The following SMAP2 variants were observed in gnomAD, a reference collection of about 807,000 sequenced individuals.
SMAP2 encodes the protein small ArfGAP2, also known as stromal membrane-associated protein 2.
In SMAP2, 25 loss-of-function variants were observed where a neutral mutation model predicts 56.4. The observed-to-expected ratio is 0.44, with a 90% CI of 0.32 to 0.62. The LOEUF (loss-of-function observed/expected upper bound fraction) is 0.62. Among genes scored for constraint, SMAP2 ranks in the 20% least tolerant of loss-of-function variants. SMAP2 has a pLI of 0.04. For missense variants in SMAP2, 388 were observed against 545.6 expected (o/e 0.71, Z 2.88); for synonymous variants, 157 against 181.7 (o/e 0.86, Z 1.09).
intron 7 of SMAP2, among the ~76,000 whole-genome samples, chr1:40,415,955 G>GTTTT (rs1644982560): frequency 6.6e-6 from 1 of 152,082 alleles, no homozygotes; most frequent in Non-Finnish European, 1.5e-5. Flanking sequence ...TTGTTTGTTT[G>GTTTT]TTCCTACCAA....
intron 1 of SMAP2, among the ~76,000 whole-genome samples, chr1:40,355,629 G>C (rs968789558): frequency 3.3e-5 from 5 of 151,976 alleles, no homozygotes; most frequent in African/African-American, 9.7e-5. Context: ...TCTAATACTA[G>C]ATTTTTTTTT....
chr1:40,359,873 G>A (rs1262957311), intron 1 of SMAP2, among the ~76,000 whole-genome samples: 1 of 151,984 alleles, frequency 6.6e-6, no homozygotes, highest in Non-Finnish European at 1.5e-5. Context: ...TCATTGGACT[G>A]TCTATGTCTT....
intron 1 of SMAP2, among the ~76,000 whole-genome samples, chr1:40,382,567 C>T (rs116684986): frequency 3.6e-4 from 55 of 152,288 alleles, no homozygotes; most frequent in African/African-American, 1.2e-3. Flanking sequence ...TAGATACTAG[C>T]TTTGAAGAAG....
chr1:40,417,707 C>T (rs1645003635), intron 9 of SMAP2, among the ~76,000 whole-genome samples: 1 of 152,078 alleles, frequency 6.6e-6, no homozygotes, highest in Non-Finnish European at 1.5e-5. Flanking sequence ...GAAAGCATTG[C>T]TTCTCGGGGA....
chr1:40,401,477 A>G (rs1354004555), intron 1 of SMAP2, among the ~76,000 whole-genome samples: 3 of 152,298 alleles, frequency 2.0e-5, no homozygotes, highest in East Asian at 3.9e-4. Flanking sequence ...CCATCAATTT[A>G]TCAATGTTTT....
In SMAP2 at chr1:40,416,808, A is replaced by G; in HGVS notation, c.876A>G (p.Ala292=). ...QAMFMAPAQM[A]YPTAYPSFPG... ...TGTTCATGGCTCCCGCTCAGATGGC[A>G]TATCCCACAGCCTACCCCAGCTTCC... is the stretch of plus-strand genomic sequence containing the variant. The change falls in exon 9 of 10, where the codon GCA becomes GCG. Residue 292 remains alanine, a synonymous_variant. Transcript: ENST00000372718. 1 of 1,605,698 alleles carries G rather than the reference A, an allele frequency of 6.2e-7. No individual in the cohort carries two copies.
intron 1 of SMAP2, among the ~76,000 whole-genome samples, chr1:40,398,293 A>G (rs1372356755): frequency 6.6e-6 from 1 of 150,708 alleles, no homozygotes; most frequent in Non-Finnish European, 1.5e-5. Context: ...CCATGGTGCA[A>G]TCATAGCTCA....
At position 40,386,977 on chromosome 1, in the gene SMAP2, A is replaced by C. The variant is rs552409314; in HGVS notation, c.103+12754A>C. ...AAGCAGTTCTTCTGTCTCAGCCTTC[A>C]TAGTAGCTGGGACTACAGGTGCACA... On this transcript the variant is annotated intron_variant, in intron 1 of 9. Coordinates refer to ENST00000372718, the MANE Select transcript of SMAP2 (RefSeq NM_022733.3). This position sits in a 1 kb window ranked among gnomAD's most constrained non-coding sequence, Gnocchi z 4.1. 4.0e-5 allele frequency among the ~76,000 whole-genome samples: 6 copies of C among 150,628 alleles called. No homozygotes were observed. The East Asian group carries it at 1.2e-3, about 30-fold the overall frequency.
At chr1:40,421,042 T>TC (rs1645037057) in intron 9 of SMAP2, among the ~76,000 whole-genome samples, 1 of 151,994 alleles carries the variant, frequency 6.6e-6, no homozygotes, top group Non-Finnish European at 1.5e-5. Flanking sequence ...CTGCAGCTTT[T>TC]TTTTTTTTTT....
chr1:40,412,916 T>G, intron 4 of SMAP2, 100 bp from the exon 5 acceptor site: 1 of 827,904 alleles, frequency 1.2e-6, no homozygotes, highest in Non-Finnish European at 1.9e-6. Flanking sequence ...TCAGAATCAA[T>G]AGGGATTGGA....
At chr1:40,412,839 T>C (rs183981012) in intron 4 of SMAP2, among the ~76,000 whole-genome samples, 177 bp from the exon 5 acceptor site, 2 of 152,274 alleles carry the variant, frequency 1.3e-5, no homozygotes, top group Non-Finnish European at 1.5e-5. Flanking sequence ...TTGAGGCCAA[T>C]GTGGAAGAGG....
chr1:40,407,582 CT>C (rs901221116), intron 2 of SMAP2, among the ~76,000 whole-genome samples: 13 of 151,838 alleles, frequency 8.6e-5, no homozygotes, highest in African/African-American at 2.7e-4. Flanking sequence ...ATACATGAAT[CT>C]TTTTTTTAAG....
intron 1 of SMAP2, among the ~76,000 whole-genome samples, chr1:40,354,380 G>A (rs966857048): frequency 2.0e-5 from 3 of 152,048 alleles, no homozygotes; most frequent in South Asian, 2.1e-4. Flanking sequence ...TCGCTCTGTC[G>A]CCCAGGCTGG....
chr1:40,422,443 A>T lies in SMAP2; in HGVS notation c.*342A>T. The T allele has an allele frequency of 3.5e-6, 1 of 282,678 alleles. No homozygotes were observed. The highest frequency in any genetic ancestry group is 4.3e-5 in the South Asian group (1 of 23,410). 17.5% of individuals were successfully genotyped at this position (282,678 alleles called of 1,614,324 possible). A position where few individuals can be genotyped will look rare whatever the true frequency, so the allele number is the denominator to read the frequency against. On this transcript the variant is annotated 3_prime_UTR_variant, in exon 10 of 10. Transcript: ENST00000372718. ...AGGTTAAAGCTCCTGTCAGACTCTC[A>T]GAAGGGTCTGTGGGTGTTGTATATT...
upstream of SMAP2, among the ~76,000 whole-genome samples, chr1:40,371,281 A>G (rs1644495290): frequency 6.6e-6 from 1 of 152,044 alleles, no homozygotes. Context: ...AAAATTCAAG[A>G]CTTCAAAAAA....
intron 1 of SMAP2, chr1:40,396,922 A>G (rs1455687352): frequency 1.1e-6 from 1 of 886,284 alleles, no homozygotes; most frequent in South Asian, 5.2e-5. Context: ...CTTAAAACAA[A>G]TACTGCTGCT....
intron 1 of SMAP2, chr1:40,375,082 T>A (rs1644529446): frequency 1.0e-6 from 1 of 985,324 alleles, no homozygotes; most frequent in African/African-American, 1.7e-5. Context: ...CCTAGAAGAT[T>A]CATGATTTGA....
At chr1:40,419,658 G>C (rs1645024075) in intron 9 of SMAP2, among the ~76,000 whole-genome samples, 1 of 152,184 alleles carries the variant, frequency 6.6e-6, no homozygotes. Context: ...TGATGGAGTT[G>C]AGACCAAACA....
At chr1:40,389,190 G>T (rs1644691964) in intron 1 of SMAP2, among the ~76,000 whole-genome samples, 1 of 152,178 alleles carries the variant, frequency 6.6e-6, no homozygotes, top group Non-Finnish European at 1.5e-5. Context: ...ATACCCTTGC[G>T]CCATTGACTA....
Sources: allele counts gnomAD v4.1 joint callset (sites outside exome capture counted in the v4.1 genomes callset), GRCh38; gene constraint gnomAD v4.1.1; non-coding constraint Gnocchi (gnomAD v3.1); transcripts MANE v1.5; gene names NCBI Gene and HGNC (gene_info 2026-07-23, HGNC 2026-07-21).